N4BP2: variants seen among roughly 807,000 people sequenced by gnomAD.
N4BP2 encodes NEDD4 binding protein 2, also known as NEDD4-binding protein 2.
A neutral mutation model predicts 152.8 loss-of-function variants in N4BP2; 91 were observed. The observed-to-expected ratio is 0.60, with a 90% confidence interval of 0.50 to 0.71. The LOEUF is 0.71. Ranked by LOEUF, N4BP2 falls within the 30% of genes least tolerant of loss-of-function variation. The probability of loss-of-function intolerance (pLI) is 0.00; values close to 1 mark genes in which losing one functional copy is unlikely to be tolerated. For missense variants in N4BP2, 1,923 were observed against 2,059.1 expected, an observed-to-expected ratio of 0.93 and a Z score of 1.28; for synonymous variants, 646 against 705.3, an observed-to-expected ratio of 0.92 and a Z score of 1.33.
At chr4:40,113,631 T>G in intron 7 of N4BP2, 123 bp downstream of exon 7, 1 of 721,028 alleles carries the variant, frequency 1.4e-6, no homozygotes. Flanking sequence ...TTCTATTGCT[T>G]ACGGCTTTTT....
At chr4:40,112,439 C>T (rs1579054667) in intron 6 of N4BP2, among the ~76,000 whole-genome samples, 1 of 152,064 alleles carries the variant, frequency 6.6e-6, no homozygotes. Flanking sequence ...GGTAGTGGTA[C>T]TAAATTATAA....
intron 13 of N4BP2, 52 bp from the exon 14 acceptor site, chr4:40,136,892 C>A (rs146761792): frequency 2.1e-6 from 3 of 1,402,312 alleles, no homozygotes; most frequent in Admixed American, 3.7e-5. Context: ...TAATGTCCCA[C>A]ACAACTTATT....
intron 14 of N4BP2, among the ~76,000 whole-genome samples, chr4:40,140,930 C>T (rs368499176): frequency 6.7e-6 from 1 of 149,196 alleles, no homozygotes; most frequent in South Asian, 2.2e-4. Flanking sequence ...CAACAGGATC[C>T]CAAGGCAGAA....
At chr4:40,148,487 G>C (rs1299850719) in intron 16 of N4BP2, among the ~76,000 whole-genome samples, 2 of 151,392 alleles carry the variant, frequency 1.3e-5, no homozygotes, top group Non-Finnish European at 3.0e-5. Context: ...AGGGGGAGGG[G>C]GAGGGGGAGA....
rs1718175378 is a variant in N4BP2 at position 40,124,069 on chromosome 4, A to G, written c.4285-91A>G. The G allele has an allele frequency of 5.3e-6, 5 of 938,952 alleles. No homozygotes were observed. In the Admixed American group the frequency reaches 7.2e-5, roughly 14 times the overall value. The allele number at this position is 938,952 out of a possible 1,614,324, so 58.2% of individuals were successfully genotyped here. A position where few individuals can be genotyped will look rare whatever the true frequency, so the allele number is the denominator to read the frequency against. ...ATGGTTTACAGTTATACAAGGAGAAATGATTTCTAGAGAAAAATAATATAA... is the reference window on the plus strand; with the variant it reads ...ATGGTTTACAGTTATACAAGGAGAAGTGATTTCTAGAGAAAAATAATATAA... On this transcript the variant is annotated intron_variant, in intron 10 of 17. Coordinates refer to ENST00000261435, the MANE Select transcript of N4BP2 (RefSeq NM_018177.6).
chr4:40,070,109 C>G (rs1711996567), intron 1 of N4BP2, among the ~76,000 whole-genome samples: 2 of 152,118 alleles, frequency 1.3e-5, no homozygotes, highest in South Asian at 4.1e-4. Flanking sequence ...TACATTGAAA[C>G]CACAGGTACC....
At chr4:40,189,458 A>G in the N4BP2 span, among the ~76,000 whole-genome samples, 1 of 152,338 alleles carries the variant, frequency 6.6e-6, no homozygotes, top group South Asian at 2.1e-4. The surrounding 1 kb of genome is among the most constrained non-coding windows in gnomAD (Gnocchi z 4.3). Flanking sequence ...GCCCCCGAGT[A>G]AAGCTGCGTG....
At chr4:40,143,291 A>G (rs941703723) in intron 15 of N4BP2, among the ~76,000 whole-genome samples, 5 of 152,116 alleles carry the variant, frequency 3.3e-5, no homozygotes, top group African/African-American at 1.2e-4. Flanking sequence ...ATTTAACATG[A>G]TATTATAAGG....
chr4:40,167,826 G>A, the N4BP2 span: 2 of 152,136 alleles, frequency 1.3e-5, no homozygotes, highest in Admixed American at 6.5e-5. Flanking sequence ...AGACTCTTAA[G>A]ATAAATGAGA....
intron 11 of N4BP2, among the ~76,000 whole-genome samples, chr4:40,125,661 G>A (rs529323547): frequency 7.9e-5 from 12 of 152,208 alleles, no homozygotes; most frequent in South Asian, 2.1e-4. Context: ...CAAGGCGGGC[G>A]GATCACCTGA....
chr4:40,097,242 G>C lies in N4BP2; in HGVS notation c.-99G>C, dbSNP rs1040828827. ...TCTATTTTAGGTCTTTTTACTGCTG[G>C]ATTGTGCAAGATATTTAACCCTATT... On this transcript the variant is annotated 5_prime_UTR_variant, in exon 3 of 18. Coordinates refer to ENST00000261435, the MANE Select transcript of N4BP2 (RefSeq NM_018177.6). The C allele has an allele frequency of 2.2e-6, 2 of 928,162 alleles. No individual in the cohort carries two copies. Among genetic ancestry groups the C allele is most frequent in the Non-Finnish European group, 3.4e-6 (2 of 591,728 alleles). The allele number at this position is 928,162 out of a possible 1,614,324, so 57.5% of individuals were successfully genotyped here.
chr4:40,189,983 A>AT, the N4BP2 span, among the ~76,000 whole-genome samples: 1 of 152,132 alleles, frequency 6.6e-6, no homozygotes, highest in Non-Finnish European at 1.5e-5. The surrounding 1 kb of genome is among the most constrained non-coding windows in gnomAD (Gnocchi z 4.3). Context: ...GCTTTAGGAT[A>AT]TTTTTTAAAA....
At chr4:40,175,524 A>G in the N4BP2 span, among the ~76,000 whole-genome samples, 13 of 152,288 alleles carry the variant, frequency 8.5e-5, no homozygotes, top group Non-Finnish European at 1.3e-4. Context: ...TATTGTATTC[A>G]AAAGAAAAAC....
intron 3 of N4BP2, among the ~76,000 whole-genome samples, chr4:40,097,839 A>G (rs1438487808): frequency 6.6e-6 from 1 of 152,232 alleles, no homozygotes; most frequent in Admixed American, 6.5e-5. Flanking sequence ...TCTTCACTCT[A>G]GAACAGACTG....
chr4:40,167,214 C>G, the N4BP2 span: 1 of 152,062 alleles, frequency 6.6e-6, no homozygotes, highest in Non-Finnish European at 1.5e-5. Flanking sequence ...AGGACAGATC[C>G]AAGAGATCTA....
the N4BP2 span, among the ~76,000 whole-genome samples, chr4:40,184,370 T>A: frequency 6.6e-6 from 1 of 151,688 alleles, no homozygotes; most frequent in African/African-American, 2.4e-5. Flanking sequence ...TTTTTTTTTT[T>A]AAATAAAAAA....
Position 40,120,981 on chromosome 4 carries a change from C to A in N4BP2, c.2870C>A (p.Thr957Asn), listed in dbSNP as rs370103174. 1.9e-6 allele frequency: 3 copies of A among 1,614,012 alleles called. No homozygotes were observed. Among genetic ancestry groups the A allele is most frequent in the Admixed American group, 3.3e-5 (2 of 59,996 alleles). The change falls in exon 9 of 18, where the codon ACC becomes AAC. Residue 957 changes from threonine (T) to asparagine (N), a missense_variant. Physicochemically the swap from Thr to Asn is moderately conservative, Grantham distance 65. Coordinates refer to ENST00000261435, the MANE Select transcript of N4BP2 (RefSeq NM_018177.6). ...TCTGAAATGCTGCTCAGTGAAATGA[C>A]CTGTGAGAGTCAGACTTGTCTAAGT... ...GSSEMLLSEMTCESQTCLSKK... is the reference protein window; with the variant it reads ...GSSEMLLSEMNCESQTCLSKK...
At chr4:40,067,756 T>C (rs928170414) in intron 1 of N4BP2, among the ~76,000 whole-genome samples, 1 of 152,134 alleles carries the variant, frequency 6.6e-6, no homozygotes, top group African/African-American at 2.4e-5. Flanking sequence ...TGGAGTACAG[T>C]GGCATGATGT....
At chr4:40,092,008 T>TTCTATATATA (rs1553920274) in intron 2 of N4BP2, among the ~76,000 whole-genome samples, 3 of 27,202 alleles carry the variant, frequency 1.1e-4, no homozygotes, top group Non-Finnish European at 1.8e-4. Context: ...AAAAAAAAAA[T>TTCTATATATA]TATATATATA....
Sources: allele counts gnomAD v4.1 joint callset (sites outside exome capture counted in the v4.1 genomes callset), GRCh38; gene constraint gnomAD v4.1.1; non-coding constraint Gnocchi (gnomAD v3.1); transcripts MANE v1.5; gene names NCBI Gene and HGNC (gene_info 2026-07-23, HGNC 2026-07-21).